Variants in DLGAP2 observed in about 807,000 individuals in gnomAD.
DLGAP2 encodes the protein disks large-associated protein 2.
DLGAP2 carries 26 observed loss-of-function variants against 100.3 expected under a neutral mutation model. The ratio of observed to expected loss-of-function variants is 0.26; its 90% CI spans 0.19 to 0.36. DLGAP2 has a LOEUF of 0.36. Ranked by LOEUF, DLGAP2 falls within the 10% of genes least tolerant of loss-of-function variation. The pLI is 1.00. For synonymous variants in DLGAP2, 886 were observed against 630.1 expected (o/e 1.41, Z -6.08); for missense variants, 1,858 against 1,453.2 (o/e 1.28, Z -4.53).
At chr8:1,487,754 A>T (rs1232986802) in intron 3 of DLGAP2, among the ~76,000 whole-genome samples, 2 of 152,182 alleles carry the variant, frequency 1.3e-5, no homozygotes, top group Non-Finnish European at 2.9e-5. Flanking sequence ...AGCATGCACC[A>T]CACAGCACCG....
chr8:1,139,228 A>G (rs997428577), intron 2 of DLGAP2, among the ~76,000 whole-genome samples: 3 of 152,204 alleles, frequency 2.0e-5, no homozygotes, highest in Non-Finnish European at 2.9e-5. Context: ...CCAGCCACCA[A>G]TGGCTGCCCC....
At chr8:1,252,460 G>T (rs537566456) in intron 2 of DLGAP2, among the ~76,000 whole-genome samples, 1 of 151,900 alleles carries the variant, frequency 6.6e-6, no homozygotes, top group Non-Finnish European at 1.5e-5. Context: ...GTGTTGTCAC[G>T]TGCGTGTGTT....
chr8:1,546,913 G>T (rs192368084), intron 4 of DLGAP2, among the ~76,000 whole-genome samples: 6 of 152,138 alleles, frequency 3.9e-5, no homozygotes, highest in South Asian at 4.1e-4. Context: ...ACAAACGTGT[G>T]GGGGGATAGT....
chr8:1,244,966 C>A (rs1371604763), intron 2 of DLGAP2, among the ~76,000 whole-genome samples: 1 of 152,162 alleles, frequency 6.6e-6, no homozygotes, highest in Non-Finnish European at 1.5e-5. Flanking sequence ...CATGAACAGG[C>A]AATTCACCCA....
chr8:1,358,302 A>G (rs531231865), intron 3 of DLGAP2, among the ~76,000 whole-genome samples: 2 of 152,192 alleles, frequency 1.3e-5, no homozygotes, highest in African/African-American at 4.8e-5. Context: ...ATTTCCGATC[A>G]GCAGCTTTTG....
At chr8:1,547,953 C>T (rs923592881) in intron 4 of DLGAP2, among the ~76,000 whole-genome samples, 4 of 152,184 alleles carry the variant, frequency 2.6e-5, no homozygotes, top group African/African-American at 9.7e-5. Context: ...CATCAAGTAC[C>T]AGATGCTATT....
At chr8:868,018 C>T (rs1797530223) in intron 1 of DLGAP2, among the ~76,000 whole-genome samples, 1 of 152,210 alleles carries the variant, frequency 6.6e-6, no homozygotes, top group East Asian at 1.9e-4. Context: ...ATCCATCATG[C>T]ATCCATTGCT....
intron 2 of DLGAP2, among the ~76,000 whole-genome samples, chr8:1,027,897 G>A (rs1347855602): frequency 2.0e-5 from 3 of 146,560 alleles, no homozygotes; most frequent in African/African-American, 2.5e-5. Context: ...GGTGCCAGGC[G>A]CCCGTTATTC....
At chr8:1,343,200 T>G (rs979488347) in intron 3 of DLGAP2, among the ~76,000 whole-genome samples, 1 of 152,092 alleles carries the variant, frequency 6.6e-6, no homozygotes, top group African/African-American at 2.4e-5. Flanking sequence ...ATGGTTATGG[T>G]CTAGCACAGC....
intron 2 of DLGAP2, among the ~76,000 whole-genome samples, chr8:1,023,865 G>A (rs1350047105): frequency 6.7e-6 from 1 of 148,594 alleles, no homozygotes; most frequent in African/African-American, 2.5e-5. Flanking sequence ...ATATGTGTGT[G>A]TGTGTGTGTG....
At chr8:1,313,081 G>A (rs991114636) in intron 3 of DLGAP2, among the ~76,000 whole-genome samples, 8 of 152,194 alleles carry the variant, frequency 5.3e-5, no homozygotes, top group Non-Finnish European at 8.8e-5. Context: ...GGTGTGTGCC[G>A]GAGCCCCTGG....
intron 1 of DLGAP2, among the ~76,000 whole-genome samples, chr8:797,729 C>G (rs1158742965): frequency 1.3e-5 from 2 of 152,024 alleles, no homozygotes; most frequent in Non-Finnish European, 2.9e-5. Context: ...TGGTGTCAGT[C>G]TTTTGTGTTT....
chr8:1,252,658 C>G (rs1426431916), intron 2 of DLGAP2, among the ~76,000 whole-genome samples: 3 of 152,268 alleles, frequency 2.0e-5, no homozygotes, highest in African/African-American at 7.2e-5. Context: ...TGGTTTCGTG[C>G]TCTGTGCTGT....
At chr8:1,036,794 A>G (rs1802138882) in intron 2 of DLGAP2, among the ~76,000 whole-genome samples, 2 of 152,176 alleles carry the variant, frequency 1.3e-5, no homozygotes, top group South Asian at 4.1e-4. Context: ...CACTAAGAAA[A>G]GTGTCAATAG....
At chr8:1,554,327 A>C (rs1801883375) in intron 5 of DLGAP2, among the ~76,000 whole-genome samples, 2 of 144,162 alleles carry the variant, frequency 1.4e-5, no homozygotes, top group Admixed American at 1.4e-4. Context: ...TAAATAAATA[A>C]AATGGTTTGT....
At chr8:1,415,013 GA>G (rs535636527) in intron 3 of DLGAP2, among the ~76,000 whole-genome samples, 3,626 of 150,182 alleles carry the variant, frequency 0.024, 137 homozygotes, top group African/African-American at 0.083. Flanking sequence ...CGTCTCAAAA[GA>G]AAAAAAAAGA....
intron 1 of DLGAP2, among the ~76,000 whole-genome samples, chr8:876,790 C>T (rs984508815): frequency 6.6e-6 from 1 of 152,104 alleles, no homozygotes; most frequent in African/African-American, 2.4e-5. Context: ...TCTAGGTGCC[C>T]TATGCTTCTG....
At chr8:1,602,350 G>A (rs1380205607) in intron 6 of DLGAP2, among the ~76,000 whole-genome samples, 1 of 152,130 alleles carries the variant, frequency 6.6e-6, no homozygotes, top group Non-Finnish European at 1.5e-5. Context: ...ACTGAAATGG[G>A]GTCTTTCTTT....
In DLGAP2 at chr8:1,627,010, A is replaced by G. The variant is rs1156579346; in HGVS notation, c.1590+123A>G. 1.1e-5 allele frequency: 13 copies of G among 1,219,028 alleles called. No individual in the cohort carries two copies. In the South Asian group the frequency reaches 1.5e-4, roughly 14 times the overall value. The allele number at this position is 1,219,028 out of a possible 1,614,324, so 75.5% of individuals were successfully genotyped here. A position where few individuals can be genotyped will look rare whatever the true frequency, so the allele number is the denominator to read the frequency against. ...TGGTCAGCAGCACTTGGGCAAGGCTACACCAAAGGGGGTTCCCCTGGAATT... is the reference window on the plus strand; with the variant it reads ...TGGTCAGCAGCACTTGGGCAAGGCTGCACCAAAGGGGGTTCCCCTGGAATT... On this transcript the variant is annotated intron_variant, in intron 7 of 14. Coordinates refer to ENST00000637795, the MANE Select transcript of DLGAP2 (RefSeq NM_001346810.2).
Sources: gnomAD v4.1 joint callset for allele counts (sites outside exome capture counted in the v4.1 genomes callset) on GRCh38, gnomAD v4.1.1 for gene constraint, MANE v1.5 for transcripts, NCBI Gene and HGNC (gene_info 2026-07-23, HGNC 2026-07-21) for gene names.